AHCY: variants seen among roughly 807,000 people sequenced by gnomAD.
AHCY encodes S-adenosyl-L-homocysteine hydrolase.
A neutral mutation model predicts 45.4 loss-of-function variants in AHCY; 24 were observed. The observed-to-expected ratio is 0.53, with a 90% CI of 0.38 to 0.74. The LOEUF is 0.74. AHCY is among the 30% of genes least tolerant of loss of function. The probability of loss-of-function intolerance (pLI) is 0.00; values close to 1 mark genes in which losing one functional copy is unlikely to be tolerated. For synonymous variants in AHCY, 245 were observed against 235.1 expected (o/e 1.04, Z -0.39); for missense variants, 449 against 594.1 (o/e 0.76, Z 2.54).
chr20:34,308,905 C>T lies in AHCY; in HGVS notation c.-57+2567G>A, dbSNP rs148344506. Among the ~76,000 whole-genome samples the T allele has an allele frequency of 8.1e-3, 1,226 of 150,568 alleles. 48 individuals are homozygous for T. The highest frequency in any genetic ancestry group is 0.073 in the East Asian group (371 of 5,072). On this transcript the variant is annotated intron_variant, in intron 1 of 9. Transcript: ENST00000538132. Reference sequence around the variant, plus strand: ...CTGAGCCCAGGTGATCTGCCTGCCTCGGCCTCCCAAAGTGCTGGGATTACA... The same window carrying T: ...CTGAGCCCAGGTGATCTGCCTGCCTTGGCCTCCCAAAGTGCTGGGATTACA...
the AHCY span, among the ~76,000 whole-genome samples, chr20:34,253,187 G>A: frequency 6.7e-6 from 1 of 150,126 alleles, no homozygotes; most frequent in African/African-American, 2.5e-5. Flanking sequence ...CTCACTGCAA[G>A]CTCTGCCTCT....
In AHCY at chr20:34,292,494, C is replaced by T. The variant is rs201902693; in HGVS notation, c.309G>A (p.Lys103=). ...ACAGGTACTCCTCGTCCGTTTCGCC[C>T]TTCCAGGCATACACTGGAGGGTGAG... ...AKAGIPVYAW[K]GETDEEYLWC... is the part of the protein sequence containing the mutation. The change falls in exon 4 of 10, where the codon AAG becomes AAA. Residue 103 remains lysine (K), a synonymous_variant. Transcript: ENST00000217426. The T allele has an allele frequency of 7.9e-5, 127 of 1,614,130 alleles. No individual in the cohort carries two copies. In the South Asian group the frequency reaches 1.3e-3, roughly 16 times the overall value.
the AHCY span, among the ~76,000 whole-genome samples, chr20:34,250,653 C>T: frequency 1.3e-5 from 2 of 152,222 alleles, no homozygotes; most frequent in South Asian, 2.1e-4. Context: ...CAAAATTAGC[C>T]GGGCGTAGTG....
At chr20:34,310,571 T>TGTAC (rs1948712109) in intron 1 of AHCY, among the ~76,000 whole-genome samples, 1 of 152,242 alleles carries the variant, frequency 6.6e-6, no homozygotes, top group African/African-American at 2.4e-5. Flanking sequence ...TCTAGGAATT[T>TGTAC]ATTCCAAAGA....
upstream of AHCY, among the ~76,000 whole-genome samples, chr20:34,307,792 A>T (rs185371607): frequency 1.5e-4 from 23 of 152,344 alleles, no homozygotes; most frequent in Non-Finnish European, 2.8e-4. Flanking sequence ...CCATTAAATT[A>T]AAAAAATTTT....
In AHCY at chr20:34,283,171, G is replaced by A. The variant is rs138282752; in HGVS notation, c.1168-2006C>T. Among the ~76,000 whole-genome samples the A allele has an allele frequency of 1.2e-4, 19 of 152,092 alleles. No homozygotes were observed. In the East Asian group the frequency reaches 2.9e-3, roughly 23 times the overall value. On this transcript the variant is annotated intron_variant, in intron 9 of 9. Coordinates refer to ENST00000217426, the MANE Select transcript of AHCY (RefSeq NM_000687.4). ...TTGAAATCAACCTTCTGCTTGGCCC[G>A]GACTAGCCCAGAACTTTTCCTTCTC...
At chr20:34,270,093 G>A in the AHCY span, among the ~76,000 whole-genome samples, 36,691 of 150,448 alleles carry the variant, frequency 0.24, 7,239 homozygotes, top group African/African-American at 0.55. Flanking sequence ...TGTACAAAAA[G>A]TTTTAAAAAT....
rs1252322406 is a variant in AHCY at position 34,298,567 on chromosome 20, C to G, written c.29-2982G>C. On this transcript the variant is annotated intron_variant, in intron 1 of 9. Coordinates refer to ENST00000217426, the MANE Select transcript of AHCY (RefSeq NM_000687.4). Reference sequence around the variant, plus strand: ...AGCGGTAGCAAAAGGTGTCAAGGAACAACACCCGCTACTTAGCAGACTGGG... The same window carrying G: ...AGCGGTAGCAAAAGGTGTCAAGGAAGAACACCCGCTACTTAGCAGACTGGG... Among the ~76,000 whole-genome samples, 3 of 139,356 alleles carry G rather than the reference C, an allele frequency of 2.2e-5. No homozygotes were observed. In the Admixed American group the frequency reaches 2.5e-4, roughly 11 times the overall value. 91.4% of individuals were successfully genotyped at this position (139,356 alleles called of 152,430 possible).
At chr20:34,258,036 C>T in the AHCY span, among the ~76,000 whole-genome samples, 1 of 151,922 alleles carries the variant, frequency 6.6e-6, no homozygotes, top group Non-Finnish European at 1.5e-5. Flanking sequence ...CCCAGCTACT[C>T]AGGAGGCTGA....
chr20:34,283,380 T>C (rs182691921), intron 9 of AHCY, among the ~76,000 whole-genome samples: 8 of 152,242 alleles, frequency 5.3e-5, no homozygotes, highest in Non-Finnish European at 1.0e-4. Flanking sequence ...CAAAGATCAG[T>C]GCTACTCAGA....
At chr20:34,262,569 T>A in the AHCY span, among the ~76,000 whole-genome samples, 2 of 151,906 alleles carry the variant, frequency 1.3e-5, no homozygotes, top group African/African-American at 4.8e-5. Flanking sequence ...CCCACAAGAG[T>A]GTCACAGGCA....
In AHCY at chr20:34,290,860, C is replaced by T. The variant is rs747054515; in HGVS notation, c.637G>A (p.Gly213Ser). The T allele has an allele frequency of 2.8e-5, 46 of 1,614,056 alleles. No individual in the cohort carries two copies. The highest frequency in any genetic ancestry group is 3.6e-5 in the Non-Finnish European group (42 of 1,180,044). Reference protein sequence around the residue: ...IKRATDVMIAGKVAVVAGYGD... With the variant: ...IKRATDVMIASKVAVVAGYGD... ...TAGCCTGCTACCACCGCTACCTTGCCGGCAATCATCACATCTGTGGCCCGC... is the reference window on the plus strand; with the variant it reads ...TAGCCTGCTACCACCGCTACCTTGCTGGCAATCATCACATCTGTGGCCCGC... Residue 213 changes from glycine to serine, a missense_variant, in exon 6 of 10, where the codon GGC becomes AGC. Physicochemically the swap from Gly to Ser is moderately conservative, Grantham distance 56. Transcript: ENST00000217426. This position sits in a 1 kb window ranked among gnomAD's most constrained non-coding sequence, Gnocchi z 4.5.
chr20:34,307,136 G>C (rs1219951806), upstream of AHCY, among the ~76,000 whole-genome samples: 1 of 125,196 alleles, frequency 8.0e-6, no homozygotes, highest in Non-Finnish European at 1.6e-5. Context: ...TTTTTTTTTT[G>C]AGACAGGGTC....
At chr20:34,247,073 G>A in the AHCY span, among the ~76,000 whole-genome samples, 111 of 150,932 alleles carry the variant, frequency 7.4e-4, no homozygotes, top group Non-Finnish European at 1.4e-3. Context: ...GCTCACCACA[G>A]CCTCAACCTC....
chr20:34,293,895 C>T (rs1240246460), intron 3 of AHCY, 186 bp downstream of exon 3: 4 of 685,598 alleles, frequency 5.8e-6, no homozygotes, highest in Non-Finnish European at 1.1e-5. Flanking sequence ...AAACAACTTC[C>T]ACAGGATTTT....
intron 1 of AHCY, among the ~76,000 whole-genome samples, chr20:34,300,873 C>G (rs2036747790): frequency 6.6e-6 from 1 of 152,224 alleles, no homozygotes; most frequent in African/African-American, 2.4e-5. Flanking sequence ...AGTGGCAGAT[C>G]TGCTCACATA....
chr20:34,260,301 G>A, the AHCY span: 10 of 1,485,060 alleles, frequency 6.7e-6, no homozygotes, highest in Non-Finnish European at 9.1e-6. Flanking sequence ...CACAAAGAAA[G>A]CAGGAAGGCC....
rs1303138211 is a variant in AHCY at position 34,290,750 on chromosome 20, T to G, written c.747A>C (p.Ala249=). The G allele has an allele frequency of 1.2e-6, 2 of 1,613,716 alleles. No individual in the cohort carries two copies. The highest frequency in any genetic ancestry group is 1.7e-6 in the Non-Finnish European group (2 of 1,179,982). ...VIITEIDPIN[A]LQAAMEGYEV... is the part of the protein sequence containing the mutation. ...TCCTACCCTCCATGGCAGCCTGCAGTGCGTTGATGGGGTCAATCTCGGTGA... is the reference window on the plus strand; with the variant it reads ...TCCTACCCTCCATGGCAGCCTGCAGGGCGTTGATGGGGTCAATCTCGGTGA... Residue 249 remains alanine, a synonymous_variant, in exon 6 of 10, where the codon GCA becomes GCC. Coordinates refer to ENST00000217426, the MANE Select transcript of AHCY (RefSeq NM_000687.4). This position sits in a 1 kb window ranked among gnomAD's most constrained non-coding sequence, Gnocchi z 4.5.
chr20:34,262,357 A>G, the AHCY span, among the ~76,000 whole-genome samples: 1 of 152,376 alleles, frequency 6.6e-6, no homozygotes, highest in African/African-American at 2.4e-5. Context: ...TTATATTGGC[A>G]GAGTCAGGAT....
Sources: gnomAD v4.1 joint callset for allele counts (sites outside exome capture counted in the v4.1 genomes callset) on GRCh38, gnomAD v4.1.1 for gene constraint, Gnocchi (gnomAD v3.1) non-coding constraint, MANE v1.5 for transcripts, NCBI Gene and HGNC (gene_info 2026-07-23, HGNC 2026-07-21) for gene names.